The following GRIN2B variants were observed in gnomAD, a reference collection of about 807,000 sequenced individuals.
GRIN2B encodes the protein glutamate ionotropic receptor NMDA type subunit 2B.
A neutral mutation model predicts 114.5 loss-of-function variants in GRIN2B; 5 were observed. That is an observed-to-expected ratio of 0.04 (90% CI 0.02 to 0.09). The LOEUF (loss-of-function observed/expected upper bound fraction) is 0.09. Among genes scored for constraint, GRIN2B ranks in the 10% least tolerant of loss-of-function variants. The pLI, the probability that GRIN2B is intolerant of heterozygous loss-of-function variation, is 1.00. For synonymous variants in GRIN2B, 787 were observed against 745.1 expected (o/e 1.06, Z -0.92); for missense variants, 1,108 against 1,943.5 (o/e 0.57, Z 8.08).
rs144736953 is a variant in GRIN2B at position 13,709,887 on chromosome 12, T to C, written c.1011-34028A>G. Among the ~76,000 whole-genome samples the C allele has an allele frequency of 4.6e-5, 7 of 152,126 alleles. No individual in the cohort carries two copies. In the South Asian group the frequency reaches 6.2e-4, roughly 14 times the overall value. Reference sequence around the variant, plus strand: ...TGGCCATATCTGATAAGGTTAAACATGTACCTATCCTATAACCAATTATTC... The same window carrying C: ...TGGCCATATCTGATAAGGTTAAACACGTACCTATCCTATAACCAATTATTC... On this transcript the variant is annotated intron_variant, in intron 4 of 13. Coordinates refer to ENST00000609686, the MANE Select transcript of GRIN2B (RefSeq NM_000834.5).
intron 10 of GRIN2B, among the ~76,000 whole-genome samples, chr12:13,579,319 G>A (rs571692353): frequency 1.3e-5 from 2 of 152,288 alleles, no homozygotes; most frequent in Admixed American, 1.3e-4. Context: ...ATAATATAAG[G>A]GATGAGAAAC....
chr12:13,792,791 G>A lies in GRIN2B; in HGVS notation c.412-38876C>T, dbSNP rs535111168. ...GCAATTAGAACAGGAAACATTGGCAGCACCCAGGAAAAACCAGGAAACACA... is the reference window on the plus strand; with the variant it reads ...GCAATTAGAACAGGAAACATTGGCAACACCCAGGAAAAACCAGGAAACACA... On this transcript the variant is annotated intron_variant, in intron 3 of 13. Transcript: ENST00000609686. 6.5e-4 allele frequency among the ~76,000 whole-genome samples: 99 copies of A among 152,312 alleles called. 1 individual carries two copies. Among genetic ancestry groups the A allele is most frequent in the African/African-American group, 2.3e-3 (95 of 41,568 alleles).
At chr12:13,606,703 C>T (rs563068312) in intron 10 of GRIN2B, among the ~76,000 whole-genome samples, 4 of 152,098 alleles carry the variant, frequency 2.6e-5, no homozygotes, top group East Asian at 1.9e-4. Context: ...CACCAAAAGG[C>T]GATTGTGGTA....
chr12:13,958,781 C>T (rs537126564), intron 2 of GRIN2B, among the ~76,000 whole-genome samples: 9 of 152,220 alleles, frequency 5.9e-5, no homozygotes, highest in African/African-American at 2.2e-4. Flanking sequence ...TTCTTCCCAC[C>T]CACTACCAAT....
intron 4 of GRIN2B, among the ~76,000 whole-genome samples, chr12:13,728,954 C>T (rs1255996973): frequency 1.3e-5 from 2 of 152,156 alleles, no homozygotes; most frequent in African/African-American, 4.8e-5. Context: ...TCAAAAGAAA[C>T]CCTTACCTCC....
At chr12:13,566,950 G>A (rs1948648304) in intron 13 of GRIN2B, 75 bp downstream of exon 13, 3 of 987,918 alleles carry the variant, frequency 3.0e-6, no homozygotes, top group Admixed American at 1.7e-5. Context: ...GTGTCCTCTT[G>A]GTTCTCTCTG....
chr12:13,959,767 T>G (rs1406420885), intron 2 of GRIN2B, among the ~76,000 whole-genome samples: 1 of 78,610 alleles, frequency 1.3e-5, no homozygotes, highest in Non-Finnish European at 2.4e-5. Flanking sequence ...TTTTTTCTTT[T>G]TCTTTTTTTT....
At chr12:13,834,001 G>A (rs1361621304) in intron 3 of GRIN2B, among the ~76,000 whole-genome samples, 2 of 142,036 alleles carry the variant, frequency 1.4e-5, no homozygotes, top group Non-Finnish European at 3.1e-5. Context: ...TGAAAACACA[G>A]TAGTCTCTTT....
At chr12:13,864,151 A>C (rs1337093604) in intron 3 of GRIN2B, among the ~76,000 whole-genome samples, 1 of 152,136 alleles carries the variant, frequency 6.6e-6, no homozygotes, top group African/African-American at 2.4e-5. Context: ...ACCCACGTAA[A>C]TGGAAGAATA....
At chr12:13,642,350 C>T (rs1949726872) in intron 5 of GRIN2B, among the ~76,000 whole-genome samples, 1 of 152,158 alleles carries the variant, frequency 6.6e-6, no homozygotes, top group Admixed American at 6.5e-5. Flanking sequence ...CTCTGCCTTG[C>T]TGAAGGAGCA....
intron 4 of GRIN2B, among the ~76,000 whole-genome samples, chr12:13,697,207 G>C (rs1041624273): frequency 1.3e-5 from 2 of 152,158 alleles, no homozygotes; most frequent in African/African-American, 4.8e-5. Flanking sequence ...ACTCAGGAGA[G>C]AGGCAAAGAA....
intron 2 of GRIN2B, among the ~76,000 whole-genome samples, chr12:13,909,050 C>A (rs1328720960): frequency 1.3e-5 from 2 of 152,090 alleles, no homozygotes; most frequent in African/African-American, 4.8e-5. Context: ...GTAACAAACG[C>A]AGGCTCCAAA....
chr12:13,571,820 G>T lies in GRIN2B; in HGVS notation c.2155C>A (p.Leu719Ile). The T allele has an allele frequency of 6.2e-7, 1 of 1,614,034 alleles. No homozygotes were observed. Among genetic ancestry groups the T allele is most frequent in the Non-Finnish European group, 8.5e-7 (1 of 1,179,904 alleles). ...FNQRGVDDAL[L>I]SLKTGKLDAF... ...AGTTCTTACCCTGTTTTCAGGGAGAGCAATGCATCATCTACACCCCTCTGG... is the reference window on the plus strand; with the variant it reads ...AGTTCTTACCCTGTTTTCAGGGAGATCAATGCATCATCTACACCCCTCTGG... Residue 719 changes from leucine (L) to isoleucine (I), a missense_variant, in exon 11 of 14, where the codon CTC (leucine) becomes ATC (isoleucine). Physicochemically the swap from Leu to Ile is conservative, Grantham distance 5 (BLOSUM62 2). This residue lies in a region of GRIN2B where 35 missense variants were observed against 194.7 expected (regional missense o/e 0.18). Transcript: ENST00000609686.
In GRIN2B at chr12:13,549,550, A is replaced by G. The variant is rs1948385293; in HGVS notation, c.*13233T>C. Reference sequence around the variant, plus strand: ...CTGCCCTGCTCACTGTGGGCTGACCAAAACTACTGACACCTTCGGAGTATC... The same window carrying G: ...CTGCCCTGCTCACTGTGGGCTGACCGAAACTACTGACACCTTCGGAGTATC... On this transcript the variant is annotated 3_prime_UTR_variant, in exon 14 of 14. Coordinates refer to ENST00000609686, the MANE Select transcript of GRIN2B (RefSeq NM_000834.5). 1 of 152,276 alleles carries G rather than the reference A, an allele frequency of 6.6e-6. No homozygotes were observed. The highest frequency in any genetic ancestry group is 1.9e-4 in the East Asian group (1 of 5,178). The allele number at this position is 152,276 out of a possible 1,614,324, so 9.4% of individuals were successfully genotyped here. A position where few individuals can be genotyped will look rare whatever the true frequency, so the allele number is the denominator to read the frequency against.
intron 3 of GRIN2B, among the ~76,000 whole-genome samples, chr12:13,832,676 T>C (rs1357382418): frequency 6.6e-6 from 1 of 152,252 alleles, no homozygotes; most frequent in Non-Finnish European, 1.5e-5. Flanking sequence ...TTATCATCCA[T>C]ACCATAATTT....
intron 3 of GRIN2B, among the ~76,000 whole-genome samples, chr12:13,852,739 G>T (rs1591767794): frequency 2.0e-5 from 3 of 149,620 alleles, no homozygotes; most frequent in East Asian, 2.0e-4. Context: ...CGTGGCAAGA[G>T]GTCACCGGGC....
intron 5 of GRIN2B, among the ~76,000 whole-genome samples, chr12:13,649,287 T>C (rs189281283): frequency 6.6e-6 from 1 of 152,200 alleles, no homozygotes; most frequent in Admixed American, 6.6e-5. Flanking sequence ...CTCGCTCTTC[T>C]CTACTGCCTT....
At chr12:13,864,848 T>A (rs1009529733) in intron 3 of GRIN2B, among the ~76,000 whole-genome samples, 1 of 152,162 alleles carries the variant, frequency 6.6e-6, no homozygotes, top group South Asian at 2.1e-4. Context: ...CTTTTAAGAC[T>A]CCCGAAGCCC....
At chr12:13,767,899 C>T (rs970977311) in intron 3 of GRIN2B, among the ~76,000 whole-genome samples, 4 of 152,156 alleles carry the variant, frequency 2.6e-5, no homozygotes, top group Non-Finnish European at 4.4e-5. Context: ...TTGAAATCTT[C>T]GGTGACGAAG....
Sources: allele counts gnomAD v4.1 joint callset (sites outside exome capture counted in the v4.1 genomes callset), GRCh38; gene constraint gnomAD v4.1.1; regional missense constraint gnomAD v4.1.1; transcripts MANE v1.5; gene names NCBI Gene and HGNC (gene_info 2026-07-23, HGNC 2026-07-21).